CHL1: variants seen among roughly 807,000 people sequenced by gnomAD.
CHL1 encodes the protein cell adhesion molecule L1 like.
CHL1 carries 96 observed loss-of-function variants against 141.9 expected under a neutral mutation model. The observed-to-expected ratio is 0.68, with a 90% CI of 0.57 to 0.80. CHL1 has a LOEUF of 0.80. Ranked by LOEUF, CHL1 falls within the 30% of genes least tolerant of loss-of-function variation. The probability of loss-of-function intolerance (pLI) is 0.00; values close to 1 mark genes in which losing one functional copy is unlikely to be tolerated. For synonymous variants in CHL1, 613 were observed against 502.2 expected (o/e 1.22, Z -2.95); for missense variants, 1,820 against 1,457.2 (o/e 1.25, Z -4.05).
intron 16 of CHL1, among the ~76,000 whole-genome samples, chr3:378,559 C>T (rs1706635074): frequency 6.6e-6 from 1 of 152,152 alleles, no homozygotes; most frequent in Admixed American, 6.6e-5. Context: ...GGATGTTTTC[C>T]AAAATTTCCC....
At chr3:342,886 T>C (rs1231991732) in intron 7 of CHL1, 98 bp from the exon 8 acceptor site, 3 of 893,764 alleles carry the variant, frequency 3.4e-6, no homozygotes, top group Admixed American at 2.7e-5. Flanking sequence ...TACATCATTT[T>C]GTAATTTTTC....
intron 1 of CHL1, among the ~76,000 whole-genome samples, chr3:223,017 C>A (rs976565738): frequency 2.0e-5 from 3 of 152,164 alleles, no homozygotes; most frequent in Admixed American, 2.0e-4. Context: ...ACTTGTTATA[C>A]ATTGGCCCAC....
rs928318125 is a variant in CHL1 at position 257,032 on chromosome 3, C to T, written c.-95+12340C>T. On this transcript the variant is annotated intron_variant, in intron 2 of 27. Transcript: ENST00000256509. ...GATTTTCCATGGTGTCTCACATTCT[C>T]TAATTAGTTATTCCTTAAAGTTTTG... Among the ~76,000 whole-genome samples, 6 of 152,258 alleles carry T rather than the reference C, an allele frequency of 3.9e-5. No homozygotes were observed. The East Asian group carries it at 1.2e-3, about 29-fold the overall frequency.
chr3:285,089 A>T (rs1697010316), intron 2 of CHL1, among the ~76,000 whole-genome samples: 5 of 152,362 alleles, frequency 3.3e-5, no homozygotes, highest in African/African-American at 1.2e-4. Context: ...GTGTGTTTAA[A>T]CATGCTTACG....
chr3:319,970 T>C, intron 3 of CHL1, 103 bp downstream of exon 3: 1 of 652,810 alleles, frequency 1.5e-6, no homozygotes, highest in Non-Finnish European at 2.6e-6. Flanking sequence ...TCTACCATAT[T>C]TCTATATATT....
At chr3:289,673 T>C (rs1282073457) in intron 2 of CHL1, among the ~76,000 whole-genome samples, 1 of 152,060 alleles carries the variant, frequency 6.6e-6, no homozygotes, top group Non-Finnish European at 1.5e-5. Flanking sequence ...TCTTATGTAA[T>C]ACATATTGTA....
Position 382,275 on chromosome 3 carries a change from T to C in CHL1, c.1973T>C (p.Ile658Thr), listed in dbSNP as rs748037215. Residue 658 changes from isoleucine to threonine, a missense_variant, in exon 17 of 28, where the codon ATT (isoleucine) becomes ACT (threonine). By Grantham distance (89) the Ile-to-Thr change is moderately conservative. Transcript: ENST00000256509. ...GCTGGAGCTGACCACAACAGCAATA[T>C]TAGCGGTAGGAAGACTTGGGATAAC... Reference protein sequence around the residue: ...WEAGADHNSNISEYIVEFEGN... With the variant: ...WEAGADHNSNTSEYIVEFEGN... 26 of 1,612,946 alleles carry C rather than the reference T, an allele frequency of 1.6e-5. No individual in the cohort carries two copies. The highest frequency in any genetic ancestry group is 2.2e-5 in the Non-Finnish European group (26 of 1,179,152).
chr3:390,794 A>G lies in CHL1; in HGVS notation c.2564A>G (p.His855Arg), dbSNP rs576424714. The G allele has an allele frequency of 2.5e-6, 4 of 1,607,722 alleles. No homozygotes were observed. The highest frequency in any genetic ancestry group is 1.7e-4 in the Middle Eastern group (1 of 6,052). The change falls in exon 21 of 28, where the codon CAT becomes CGT. Residue 855 changes from histidine (H) to arginine (R), a missense_variant. His to Arg is a conservative substitution (Grantham distance 29). Coordinates refer to ENST00000256509, the MANE Select transcript of CHL1 (RefSeq NM_006614.4). ...TWSTVPKDRVHGRLKGYQINW... is the reference protein window; with the variant it reads ...TWSTVPKDRVRGRLKGYQINW... ...TCAACAGTTCCAAAGGACAGAGTAC[A>G]TGGACGTCTGAAAGGCTATCAGGTT...
chr3:388,573 G>GA (rs879394193), intron 19 of CHL1, among the ~76,000 whole-genome samples: 45 of 147,996 alleles, frequency 3.0e-4, no homozygotes, highest in Admixed American at 1.0e-3. Context: ...AAAAAGAAAC[G>GA]AAAAAAAAAG....
intron 2 of CHL1, among the ~76,000 whole-genome samples, chr3:302,308 A>C (rs548404191): frequency 6.6e-6 from 1 of 152,226 alleles, no homozygotes; most frequent in East Asian, 1.9e-4. Flanking sequence ...CTGCATCCTT[A>C]AGGAATTGCC....
intron 5 of CHL1, among the ~76,000 whole-genome samples, chr3:332,594 G>A (rs762436952): frequency 1.3e-5 from 2 of 151,956 alleles, no homozygotes; most frequent in Non-Finnish European, 1.5e-5. Context: ...GAAGCATCCC[G>A]TTTGTCTCAA....
At chr3:395,561 T>A (rs977674918) in intron 24 of CHL1, among the ~76,000 whole-genome samples, 2 of 152,244 alleles carry the variant, frequency 1.3e-5, no homozygotes, top group Admixed American at 1.3e-4. Flanking sequence ...GGAACTGATG[T>A]ACACACGAAG....
At chr3:217,410 A>G (rs1700417346) in intron 1 of CHL1, 1 of 152,150 alleles carries the variant, frequency 6.6e-6, no homozygotes, top group South Asian at 2.1e-4. Context: ...AGTTGCCATT[A>G]CTAAGAATGT....
chr3:246,111 TCAC>T (rs938190556), intron 2 of CHL1, among the ~76,000 whole-genome samples: 1 of 152,158 alleles, frequency 6.6e-6, no homozygotes, highest in African/African-American at 2.4e-5. Context: ...TTTTATGATT[TCAC>T]TTTAAATGAA....
Position 405,899 on chromosome 3 carries a change from G to A in CHL1, c.*188G>A, listed in dbSNP as rs542090635. ...AAATATAAAATGCCAAGCACTTCAG[G>A]CCTATGTTTTGCTTATATTGTTTTC... is the stretch of plus-strand genomic sequence containing the variant. On this transcript the variant is annotated 3_prime_UTR_variant, in exon 28 of 28. Coordinates refer to ENST00000256509, the MANE Select transcript of CHL1 (RefSeq NM_006614.4). The A allele has an allele frequency of 1.7e-5, 9 of 544,994 alleles. No individual in the cohort carries two copies. In the South Asian group the frequency reaches 2.0e-4, roughly 12 times the overall value. The allele number at this position is 544,994 out of a possible 1,614,324, so 33.8% of individuals were successfully genotyped here. A position where few individuals can be genotyped will look rare whatever the true frequency, so the allele number is the denominator to read the frequency against.
intron 3 of CHL1, among the ~76,000 whole-genome samples, chr3:320,140 A>G (rs1700448374): frequency 6.6e-6 from 1 of 151,970 alleles, no homozygotes; most frequent in Admixed American, 6.6e-5. Flanking sequence ...GTATTTTTCC[A>G]TATGTCTTGG....
intron 15 of CHL1, among the ~76,000 whole-genome samples, chr3:372,782 G>A (rs113121156): frequency 0.013 from 1,954 of 151,844 alleles, 26 homozygotes; most frequent in Non-Finnish European, 0.02. Context: ...TTTTTTGTGG[G>A]AGATTTTGTT....
chr3:258,976 C>A (rs984464243), intron 2 of CHL1, among the ~76,000 whole-genome samples: 21 of 150,514 alleles, frequency 1.4e-4, no homozygotes, highest in African/African-American at 4.9e-4. Context: ...CTTTGTCACC[C>A]AGGCTGGAGT....
At chr3:381,030 C>T (rs532599391) in intron 16 of CHL1, among the ~76,000 whole-genome samples, 2 of 152,256 alleles carry the variant, frequency 1.3e-5, no homozygotes, top group South Asian at 2.1e-4. Context: ...TATACCTAAT[C>T]CCCATCCAAG....
Sources: gnomAD v4.1 joint callset for allele counts (sites outside exome capture counted in the v4.1 genomes callset) on GRCh38, gnomAD v4.1.1 for gene constraint, MANE v1.5 for transcripts, NCBI Gene and HGNC (gene_info 2026-07-23, HGNC 2026-07-21) for gene names.